PTPRD: variants seen among roughly 807,000 people sequenced by gnomAD.
PTPRD encodes receptor-type tyrosine-protein phosphatase delta.
Under a neutral mutation model 214.5 loss-of-function variants are expected in PTPRD, and 34 were observed. The observed-to-expected ratio is 0.16, with a 90% CI of 0.12 to 0.21. The LOEUF (loss-of-function observed/expected upper bound fraction) is 0.21, where lower values mean the gene tolerates loss of function less well. PTPRD is among the 10% of genes least tolerant of loss of function. PTPRD has a pLI of 1.00. For synonymous variants in PTPRD, 1,128 were observed against 845.7 expected (o/e 1.33, Z -5.79); for missense variants, 2,545 against 2,398.7 (o/e 1.06, Z -1.27).
chr9:10,319,629 C>A (rs78766005), intron 3 of PTPRD, among the ~76,000 whole-genome samples: 19,801 of 151,756 alleles, frequency 0.13, 1,375 homozygotes, highest in South Asian at 0.2. Flanking sequence ...TTTTAAATAA[C>A]GGAATGGATA....
chr9:8,687,106 C>A (rs1339571169), intron 12 of PTPRD, among the ~76,000 whole-genome samples: 1 of 152,146 alleles, frequency 6.6e-6, no homozygotes, highest in East Asian at 1.9e-4. Context: ...ATTCTGAATG[C>A]AGCAAACACT....
intron 10 of PTPRD, among the ~76,000 whole-genome samples, chr9:9,051,055 C>G (rs770989723): frequency 9.9e-5 from 15 of 152,148 alleles, no homozygotes; most frequent in African/African-American, 3.6e-4. Flanking sequence ...GATAATGTAG[C>G]CTTCTGCTTC....
At chr9:9,192,851 G>A (rs539768300) in intron 9 of PTPRD, among the ~76,000 whole-genome samples, 99 of 152,200 alleles carry the variant, frequency 6.5e-4, no homozygotes, top group African/African-American at 2.4e-3. Context: ...GAGAAGTCAC[G>A]AGATAAGCTG....
At chr9:8,690,873 C>T (rs60000844) in intron 12 of PTPRD, among the ~76,000 whole-genome samples, 45,017 of 151,950 alleles carry the variant, frequency 0.3, 7,581 homozygotes, top group African/African-American at 0.44. Flanking sequence ...CTAGACCTCC[C>T]TTTTAACAGA....
chr9:8,832,722 A>G (rs2097323448), intron 11 of PTPRD, among the ~76,000 whole-genome samples: 2 of 152,128 alleles, frequency 1.3e-5, no homozygotes, highest in South Asian at 4.1e-4. Context: ...TTTCAACTGT[A>G]AAACTAATCA....
chr9:9,817,095 G>A (rs948761576), intron 5 of PTPRD, among the ~76,000 whole-genome samples: 1 of 152,064 alleles, frequency 6.6e-6, no homozygotes, highest in African/African-American at 2.4e-5. Context: ...CCCTAGGCAA[G>A]CTAAGATTGC....
At chr9:8,331,240 G>GCATTGCTATGAAAGCAAA (rs1840523854) in intron 44 of PTPRD, among the ~76,000 whole-genome samples, 1 of 150,870 alleles carries the variant, frequency 6.6e-6, no homozygotes, top group Non-Finnish European at 1.5e-5. Flanking sequence ...AGTTATCAGT[G>GCATTGCTATGAAAGCAAA]CATTGCTATG....
At chr9:10,299,860 C>G (rs772183550) in intron 3 of PTPRD, among the ~76,000 whole-genome samples, 3 of 152,018 alleles carry the variant, frequency 2.0e-5, no homozygotes, top group Non-Finnish European at 1.5e-5. Context: ...ATGCTTTTTC[C>G]CATTAAATAT....
chr9:9,982,391 A>G (rs750221553), intron 4 of PTPRD, among the ~76,000 whole-genome samples: 6 of 152,068 alleles, frequency 3.9e-5, no homozygotes, highest in Non-Finnish European at 7.4e-5. Context: ...TGCTATACAA[A>G]TTATTTGTCA....
chr9:9,526,610 G>A (rs150040101), intron 8 of PTPRD, among the ~76,000 whole-genome samples: 2 of 151,992 alleles, frequency 1.3e-5, no homozygotes, highest in East Asian at 1.9e-4. Flanking sequence ...TCCTGTAATT[G>A]GACATAACTT....
intron 11 of PTPRD, among the ~76,000 whole-genome samples, chr9:8,921,348 G>A (rs1033882788): frequency 1.3e-5 from 2 of 152,082 alleles, no homozygotes; most frequent in South Asian, 4.1e-4. Context: ...TCACACACAT[G>A]ACTATCCAAT....
chr9:8,331,182 G>T (rs1162030090), intron 44 of PTPRD, among the ~76,000 whole-genome samples: 1 of 148,672 alleles, frequency 6.7e-6, no homozygotes. Flanking sequence ...TTGTCATTAG[G>T]ATTTATTTGA....
At position 9,753,330 on chromosome 9, in the gene PTPRD, T is replaced by C. The variant is rs78652619; in HGVS notation, c.-326+13480A>G. Among the ~76,000 whole-genome samples the C allele has an allele frequency of 4.9e-4, 74 of 152,026 alleles. 1 individual carries two copies. The highest frequency in any genetic ancestry group is 1.7e-3 in the African/African-American group (72 of 41,522). On this transcript the variant is annotated intron_variant, in intron 6 of 45. Coordinates refer to ENST00000381196, the MANE Select transcript of PTPRD (RefSeq NM_002839.4). ...AATACAGGGACCCCTCTGGACAACA[T>C]ATCAATTTGTGTTATGAAGTGAATT... is the stretch of plus-strand genomic sequence containing the variant.
At chr9:10,280,357 ACAC>A (rs1413977688) in intron 3 of PTPRD, among the ~76,000 whole-genome samples, 11 of 123,918 alleles carry the variant, frequency 8.9e-5, no homozygotes, top group African/African-American at 5.4e-4. Context: ...AAATACATAA[ACAC>A]CACACACACA....
intron 2 of PTPRD, among the ~76,000 whole-genome samples, chr9:10,430,707 A>T (rs750436006): frequency 1.3e-5 from 2 of 151,978 alleles, no homozygotes; most frequent in African/African-American, 2.4e-5. Context: ...ATACTTATAG[A>T]AATCTATTAT....
At chr9:10,329,628 T>C (rs992701177) in intron 3 of PTPRD, among the ~76,000 whole-genome samples, 2 of 151,842 alleles carry the variant, frequency 1.3e-5, no homozygotes, top group Admixed American at 6.6e-5. Context: ...TACAAATACC[T>C]GTTTTTAAAA....
At chr9:9,794,378 G>GA (rs1243790409) in intron 5 of PTPRD, among the ~76,000 whole-genome samples, 3 of 152,020 alleles carry the variant, frequency 2.0e-5, no homozygotes, top group East Asian at 3.9e-4. Flanking sequence ...GTGGGTATTT[G>GA]AAAAAACATG....
At chr9:10,362,942 C>T (rs1387947958) in intron 2 of PTPRD, among the ~76,000 whole-genome samples, 1 of 151,914 alleles carries the variant, frequency 6.6e-6, no homozygotes, top group African/African-American at 2.4e-5. Context: ...ATCTTTAGAA[C>T]CCAGAACAAT....
At chr9:10,460,305 T>A (rs2098949129) in intron 2 of PTPRD, among the ~76,000 whole-genome samples, 1 of 151,534 alleles carries the variant, frequency 6.6e-6, no homozygotes, top group Non-Finnish European at 1.5e-5. Flanking sequence ...TAACACTACA[T>A]AAAGCAATAA....
Sources: allele counts gnomAD v4.1 joint callset (sites outside exome capture counted in the v4.1 genomes callset), GRCh38; gene constraint gnomAD v4.1.1; transcripts MANE v1.5; gene names NCBI Gene and HGNC (gene_info 2026-07-23, HGNC 2026-07-21).